LRRC37A2: variants seen among roughly 807,000 people sequenced by gnomAD.
LRRC37A2 encodes leucine-rich repeat-containing protein 37A2.
A neutral mutation model predicts 68.8 loss-of-function variants in LRRC37A2; 9 were observed. The ratio of observed to expected loss-of-function variants is 0.13; its 90% CI spans 0.08 to 0.23. LRRC37A2 has a LOEUF of 0.23. Ranked by LOEUF, LRRC37A2 falls within the 10% of genes least tolerant of loss-of-function variation. LRRC37A2 has a pLI of 1.00. For missense variants in LRRC37A2, 168 were observed against 950.4 expected, an observed-to-expected ratio of 0.18 and a Z score of 10.82; for synonymous variants, 63 against 367.6, an observed-to-expected ratio of 0.17 and a Z score of 9.48.
the LRRC37A2 span, among the ~76,000 whole-genome samples, chr17:46,987,300 C>T: frequency 2.0e-5 from 3 of 151,844 alleles, no homozygotes; most frequent in African/African-American, 4.8e-5. Flanking sequence ...CATGGGGAGG[C>T]GGTGAGGAAG....
At chr17:46,936,080 GCAAGTGACAC>G in the LRRC37A2 span, 5 of 985,724 alleles carry the variant, frequency 5.1e-6, no homozygotes, top group Non-Finnish European at 6.0e-6. Context: ...CAGGCAAGCT[GCAAGTGACAC>G]TCACCTCCTG....
the LRRC37A2 span, among the ~76,000 whole-genome samples, chr17:46,926,625 G>A: frequency 6.6e-6 from 1 of 152,326 alleles, no homozygotes; most frequent in Admixed American, 6.5e-5. Context: ...TGGACTTCCA[G>A]TGTGTTATGT....
chr17:46,870,904 C>CTTTTTTTTTTTT, the LRRC37A2 span, among the ~76,000 whole-genome samples: 42 of 78,384 alleles, frequency 5.4e-4, no homozygotes, highest in African/African-American at 2.1e-3. Context: ...TCCACCTTTG[C>CTTTTTTTTTTTT]TTTTTTTTTT....
At chr17:46,729,835 G>A in the LRRC37A2 span, among the ~76,000 whole-genome samples, 1 of 152,190 alleles carries the variant, frequency 6.6e-6, no homozygotes, top group Admixed American at 6.5e-5. Flanking sequence ...AAAAGTAAAT[G>A]ACTTGTCTTG....
At chr17:46,768,884 C>T in the LRRC37A2 span, 1 of 1,550,572 alleles carries the variant, frequency 6.4e-7, no homozygotes, top group African/African-American at 1.3e-5. The surrounding 1 kb of genome is among the most constrained non-coding windows in gnomAD (Gnocchi z 5.0). Flanking sequence ...ACTGCCCACC[C>T]CCTTCCCTCC....
At chr17:46,758,124 A>G in the LRRC37A2 span, among the ~76,000 whole-genome samples, 2 of 152,252 alleles carry the variant, frequency 1.3e-5, no homozygotes, top group Non-Finnish European at 2.9e-5. Context: ...AGGAACTTCA[A>G]GGCTCTCAGT....
the LRRC37A2 span, among the ~76,000 whole-genome samples, chr17:46,678,874 T>C: frequency 7.5e-6 from 1 of 132,804 alleles, no homozygotes; most frequent in East Asian, 2.2e-4. Context: ...TGAAAGAAAA[T>C]AACTGTCAAC....
chr17:46,762,894 T>C, the LRRC37A2 span: 7 of 152,318 alleles, frequency 4.6e-5, no homozygotes, highest in Admixed American at 2.0e-4. Flanking sequence ...GAAAAGATTG[T>C]TTTGAAAATT....
At chr17:46,722,183 G>A in the LRRC37A2 span, 1 of 1,608,414 alleles carries the variant, frequency 6.2e-7, no homozygotes, top group Non-Finnish European at 8.5e-7. Flanking sequence ...TCTCCTGGGA[G>A]AACTTGCAGC....
the LRRC37A2 span, chr17:46,917,295 T>C: frequency 6.6e-6 from 1 of 152,206 alleles, no homozygotes; most frequent in African/African-American, 2.4e-5. Flanking sequence ...AAACAAGTTA[T>C]CTTTTTCCAA....
chr17:46,756,489 A>G, the LRRC37A2 span: 3 of 152,250 alleles, frequency 2.0e-5, no homozygotes, highest in African/African-American at 7.2e-5. Flanking sequence ...CCCCTTAAGT[A>G]TAACTAATTT....
the LRRC37A2 span, among the ~76,000 whole-genome samples, chr17:46,888,666 A>G: frequency 5.9e-5 from 9 of 152,168 alleles, no homozygotes; most frequent in Admixed American, 5.9e-4. Flanking sequence ...AAACAACCCC[A>G]CACTGTCTGG....
chr17:46,777,888 C>T, the LRRC37A2 span, among the ~76,000 whole-genome samples: 1 of 152,204 alleles, frequency 6.6e-6, no homozygotes, highest in Non-Finnish European at 1.5e-5. Flanking sequence ...CTCTTTCCAC[C>T]AAACCCTGTC....
the LRRC37A2 span, among the ~76,000 whole-genome samples, chr17:46,679,797 G>C: frequency 1.3e-5 from 2 of 151,902 alleles, no homozygotes; most frequent in Admixed American, 6.5e-5. Context: ...GGGAGGAGCT[G>C]GGAAAGAAAC....
At chr17:47,020,856 A>G in the LRRC37A2 span, among the ~76,000 whole-genome samples, 11 of 150,678 alleles carry the variant, frequency 7.3e-5, no homozygotes, top group Admixed American at 6.6e-4. Context: ...TATATAATTA[A>G]GTACTAAAAG....
At chr17:46,841,116 G>C in the LRRC37A2 span, among the ~76,000 whole-genome samples, 1 of 152,270 alleles carries the variant, frequency 6.6e-6, no homozygotes, top group Non-Finnish European at 1.5e-5. Flanking sequence ...CGACAGACAA[G>C]GCTCCTTGGA....
At chr17:46,800,735 CTA>C in the LRRC37A2 span, among the ~76,000 whole-genome samples, 1 of 152,122 alleles carries the variant, frequency 6.6e-6, no homozygotes, top group African/African-American at 2.4e-5. Context: ...GTGCCCTGTG[CTA>C]TGTTTGGTGG....
the LRRC37A2 span, among the ~76,000 whole-genome samples, chr17:46,983,541 G>A: frequency 2.3e-4 from 35 of 151,942 alleles, 1 homozygote; most frequent in Non-Finnish European, 3.8e-4. Flanking sequence ...TGATCCACCT[G>A]CCTCGGCCTC....
chr17:46,943,838 A>G, the LRRC37A2 span, among the ~76,000 whole-genome samples: 2 of 152,248 alleles, frequency 1.3e-5, no homozygotes, highest in Non-Finnish European at 2.9e-5. Flanking sequence ...AGGACTGGGG[A>G]GAGAGAAGTA....
Sources: allele counts gnomAD v4.1 joint callset (sites outside exome capture counted in the v4.1 genomes callset), GRCh38; gene constraint gnomAD v4.1.1; non-coding constraint Gnocchi (gnomAD v3.1); transcripts MANE v1.5; gene names NCBI Gene and HGNC (gene_info 2026-07-23, HGNC 2026-07-21).